Variants in SLIT3 observed in about 807,000 individuals in gnomAD.
SLIT3 encodes the protein slit guidance ligand 3.
Under a neutral mutation model 184.0 loss-of-function variants are expected in SLIT3, and 68 were observed. That is an observed-to-expected ratio of 0.37 (90% confidence interval 0.30 to 0.45). The LOEUF is 0.45. Ranked by LOEUF, SLIT3 falls within the 20% of genes least tolerant of loss-of-function variation. The probability of loss-of-function intolerance (pLI) is 1.00; values close to 1 mark genes in which losing one functional copy is unlikely to be tolerated. For missense variants in SLIT3, 1,707 were observed against 2,026.0 expected, an observed-to-expected ratio of 0.84 and a Z score of 3.02; for synonymous variants, 831 against 828.6, an observed-to-expected ratio of 1.00 and a Z score of -0.05.
intron 3 of SLIT3, among the ~76,000 whole-genome samples, chr5:169,217,958 A>T (rs1305660656): frequency 6.6e-6 from 1 of 152,252 alleles, no homozygotes; most frequent in African/African-American, 2.4e-5. Context: ...ACAGAAAGCA[A>T]GACCTTTCAC....
chr5:168,929,836 G>A (rs956571335), intron 4 of SLIT3, among the ~76,000 whole-genome samples: 17 of 152,242 alleles, frequency 1.1e-4, no homozygotes, highest in African/African-American at 3.6e-4. Flanking sequence ...GGGACATGGC[G>A]TGGGCCGGCC....
intron 27 of SLIT3, among the ~76,000 whole-genome samples, chr5:168,698,657 A>T (rs1457444524): frequency 6.6e-6 from 1 of 152,050 alleles, no homozygotes; most frequent in Non-Finnish European, 1.5e-5. Flanking sequence ...ATTACTCTAG[A>T]ATGGAAGAGG....
rs775338901 is a variant in SLIT3 at position 168,700,533 on chromosome 5, G to T, written c.2942+49C>A. ...AGTCTTGGGTATGTCTTTATTAGCA[G>T]TGTGAGAGCAAACTAATACAGTGAG... is the stretch of plus-strand genomic sequence containing the variant. On this transcript the variant is annotated intron_variant, in intron 27 of 35. Coordinates refer to ENST00000519560, the MANE Select transcript of SLIT3 (RefSeq NM_003062.4). The T allele has an allele frequency of 7.0e-6, 9 of 1,277,438 alleles. No individual in the cohort carries two copies. The South Asian group carries it at 1.1e-4, about 15-fold the overall frequency. 79.1% of individuals were successfully genotyped at this position (1,277,438 alleles called of 1,614,324 possible).
At chr5:168,996,879 G>A (rs993106072) in intron 4 of SLIT3, among the ~76,000 whole-genome samples, 4 of 152,182 alleles carry the variant, frequency 2.6e-5, no homozygotes, top group Admixed American at 2.0e-4. Flanking sequence ...GGCCTGAGCC[G>A]GGTGGAGTGG....
intron 4 of SLIT3, among the ~76,000 whole-genome samples, chr5:168,993,231 A>C (rs1016307451): frequency 5.3e-5 from 8 of 152,216 alleles, no homozygotes; most frequent in Non-Finnish European, 1.2e-4. Flanking sequence ...AGCCAAGCGC[A>C]GAATAGCCAG....
rs1380949148 is a variant in SLIT3 at position 168,663,389 on chromosome 5, T to C, written c.*3065A>G. On this transcript the variant is annotated 3_prime_UTR_variant, in exon 36 of 36. Coordinates refer to ENST00000519560, the MANE Select transcript of SLIT3 (RefSeq NM_003062.4). ...CAAGAGCAGAGCTTCTAAGCTACCA[T>C]AGACATTTGTGATCCATCTGGCCGG... 1 of 152,240 alleles carries C rather than the reference T, an allele frequency of 6.6e-6. No homozygotes were observed. Among genetic ancestry groups the C allele is most frequent in the Non-Finnish European group, 1.5e-5 (1 of 68,098 alleles). 9.4% of individuals were successfully genotyped at this position (152,240 alleles called of 1,614,324 possible). A position where few individuals can be genotyped will look rare whatever the true frequency, so the allele number is the denominator to read the frequency against.
intron 4 of SLIT3, among the ~76,000 whole-genome samples, chr5:168,964,867 A>G (rs552376645): frequency 1.4e-4 from 21 of 150,500 alleles, no homozygotes; most frequent in Non-Finnish European, 2.5e-4. Context: ...GATGCCCACT[A>G]GGGCCCTTAA....
intron 4 of SLIT3, among the ~76,000 whole-genome samples, chr5:169,185,166 G>C (rs958107941): frequency 2.6e-5 from 4 of 152,162 alleles, no homozygotes; most frequent in Non-Finnish European, 5.9e-5. Flanking sequence ...GTCTTCAAAA[G>C]CATCACAAAC....
Position 168,814,444 on chromosome 5 carries a change from C to T in SLIT3, c.793+2856G>A, listed in dbSNP as rs1246648018. 4.6e-5 allele frequency among the ~76,000 whole-genome samples: 7 copies of T among 151,988 alleles called. 1 individual carries two copies. The highest frequency in any genetic ancestry group is 4.6e-4 in the Admixed American group (7 of 15,278). ...AAACAAACAAACACCCCACCATAGA[C>T]AGGTCCATACAAAACAGTATCCTTC... On this transcript the variant is annotated intron_variant, in intron 8 of 35. Coordinates refer to ENST00000519560, the MANE Select transcript of SLIT3 (RefSeq NM_003062.4).
chr5:168,701,729 TG>T (rs1207577979), intron 26 of SLIT3, among the ~76,000 whole-genome samples: 3 of 152,304 alleles, frequency 2.0e-5, no homozygotes. Context: ...GCGTGGGGCC[TG>T]GGGAGGTGAC....
chr5:169,110,397 A>C (rs564047232), intron 4 of SLIT3, among the ~76,000 whole-genome samples: 1 of 152,188 alleles, frequency 6.6e-6, no homozygotes, highest in East Asian at 1.9e-4. Flanking sequence ...GTCCAAAATC[A>C]AGGTGTTGGC....
intron 32 of SLIT3, among the ~76,000 whole-genome samples, chr5:168,678,678 G>C (rs1761488571): frequency 6.6e-6 from 1 of 151,958 alleles, no homozygotes; most frequent in African/African-American, 2.4e-5. Flanking sequence ...GTGAGACTCT[G>C]TCTCAAAAAA....
chr5:169,011,566 C>A (rs906891735), intron 4 of SLIT3, among the ~76,000 whole-genome samples: 2 of 152,106 alleles, frequency 1.3e-5, no homozygotes, highest in Admixed American at 6.5e-5. Flanking sequence ...CCCTTGTAGA[C>A]CCCCGAGGAG....
At chr5:168,929,218 A>G (rs1761917363) in intron 4 of SLIT3, among the ~76,000 whole-genome samples, 1 of 152,156 alleles carries the variant, frequency 6.6e-6, no homozygotes, top group African/African-American at 2.4e-5. Context: ...CATCGGATAA[A>G]CCATTTTACC....
chr5:168,841,382 T>C (rs2974433), intron 6 of SLIT3, among the ~76,000 whole-genome samples: 38,097 of 152,078 alleles, frequency 0.25, 4,971 homozygotes, highest in South Asian at 0.35. Context: ...GATTTTCATT[T>C]TCCTCATTAT....
At chr5:169,162,487 G>A (rs963273822) in intron 4 of SLIT3, among the ~76,000 whole-genome samples, 1 of 152,202 alleles carries the variant, frequency 6.6e-6, no homozygotes, top group African/African-American at 2.4e-5. Context: ...GGTCTTTGGA[G>A]TGAAAAGTGC....
intron 4 of SLIT3, among the ~76,000 whole-genome samples, chr5:169,133,067 T>G (rs1159161833): frequency 6.6e-6 from 1 of 152,192 alleles, no homozygotes; most frequent in South Asian, 2.1e-4. Context: ...CGGTTACAGG[T>G]GCATTAGCTG....
chr5:169,050,974 TTC>T (rs1454366325), intron 4 of SLIT3, among the ~76,000 whole-genome samples: 1 of 152,234 alleles, frequency 6.6e-6, no homozygotes, highest in African/African-American at 2.4e-5. Context: ...CTGACATAAC[TTC>T]TCTCTTACTG....
At position 168,692,609 on chromosome 5, in the gene SLIT3, G is replaced by T; in HGVS notation, c.3174C>A (p.Phe1058Leu). 1 of 1,612,514 alleles carries T rather than the reference G, an allele frequency of 6.2e-7. No homozygotes were observed. Among genetic ancestry groups the T allele is most frequent in the Non-Finnish European group, 8.5e-7 (1 of 1,178,740 alleles). ...GGGGGCACGAAGCCAGGTCTTACCTGAATCCTTTGTCCAGGGGGATGCACT... is the reference window on the plus strand; with the variant it reads ...GGGGGCACGAAGCCAGGTCTTACCTTAATCCTTTGTCCAGGGGGATGCACT... ...EAKCIPLDKGFSCECVPGYSG... is the reference protein window; with the variant it reads ...EAKCIPLDKGLSCECVPGYSG... The change falls in exon 29 of 36, where the codon TTC (phenylalanine) becomes TTA (leucine). Residue 1058 changes from phenylalanine (F) to leucine (L), a missense_variant and splice_region_variant. Around this residue, in one of 3 missense-constraint regions of SLIT3, gnomAD observed 1,307 missense variants for 1,511.6 expected, o/e 0.86. Coordinates refer to ENST00000519560, the MANE Select transcript of SLIT3 (RefSeq NM_003062.4).
Sources: allele counts gnomAD v4.1 joint callset (sites outside exome capture counted in the v4.1 genomes callset), GRCh38; gene constraint gnomAD v4.1.1; regional missense constraint gnomAD v4.1.1; transcripts MANE v1.5; gene names NCBI Gene and HGNC (gene_info 2026-07-23, HGNC 2026-07-21).